The following SARS2 variants were observed in gnomAD, a reference collection of about 807,000 sequenced individuals.
SARS2 encodes the protein seryl-tRNA synthetase 2, mitochondrial, also known as serine--tRNA ligase, mitochondrial.
A neutral mutation model predicts 66.8 loss-of-function variants in SARS2; 52 were observed. The ratio of observed to expected loss-of-function variants is 0.78; its 90% confidence interval spans 0.62 to 0.98. The LOEUF is 0.98. SARS2 is among the 50% of genes least tolerant of loss of function. The pLI, the probability that SARS2 is intolerant of heterozygous loss-of-function variation, is 0.00. For synonymous variants in SARS2, 306 were observed against 281.4 expected (o/e 1.09, Z -0.87); for missense variants, 673 against 706.3 (o/e 0.95, Z 0.53).
chr19:38,919,897 A>G lies in SARS2; in HGVS notation c.654-30T>C, dbSNP rs912460965. ...GAGACAGACAGACAGGCGGGTGCAC[A>G]TGGGCCAGGCTGGCAGGGAATGTGG... On this transcript the variant is annotated intron_variant, in intron 6 of 15. Transcript: ENST00000221431. 8 of 1,590,840 alleles carry G rather than the reference A, an allele frequency of 5.0e-6. No individual in the cohort carries two copies. The South Asian group carries it at 5.5e-5, about 11-fold the overall frequency.
In SARS2 at chr19:38,918,392, C is replaced by T. The variant is rs746788057; in HGVS notation, c.916+30G>A. The T allele has an allele frequency of 1.9e-6, 3 of 1,583,520 alleles. No individual in the cohort carries two copies. In the Admixed American group the frequency reaches 5.0e-5, roughly 26 times the overall value. On this transcript the variant is annotated intron_variant, in intron 9 of 15. Transcript: ENST00000221431. Reference sequence around the variant, plus strand: ...CAGTTGTCCTTCCACATCACTCCTGCTCCTCCCCACCACCCACACAGGTCC... The same window carrying T: ...CAGTTGTCCTTCCACATCACTCCTGTTCCTCCCCACCACCCACACAGGTCC...
intron 3 of SARS2, chr19:38,921,883 T>C: frequency 7.2e-7 from 1 of 1,382,602 alleles, no homozygotes; most frequent in Non-Finnish European, 1.0e-6. Context: ...TTCTATTGCC[T>C]TGGCCACAAT....
At position 38,918,538 on chromosome 19, in the gene SARS2, A is replaced by C. The variant is rs775761242; in HGVS notation, c.808-8T>G. The C allele has an allele frequency of 1.2e-6, 2 of 1,603,126 alleles. No homozygotes were observed. Among genetic ancestry groups the C allele is most frequent in the Non-Finnish European group, 1.7e-6 (2 of 1,170,024 alleles). ...TGTCATCCCACAGCCTTCCTGGGGGAGGAGGCCAGGCCACAGGGATCAGGG... is the reference window on the plus strand; with the variant it reads ...TGTCATCCCACAGCCTTCCTGGGGGCGGAGGCCAGGCCACAGGGATCAGGG... On this transcript the variant is annotated splice_region_variant and splice_polypyrimidine_tract_variant and intron_variant, in intron 8 of 15. Coordinates refer to ENST00000221431, the MANE Select transcript of SARS2 (RefSeq NM_017827.4).
chr19:38,920,582 T>C (rs1014795442), intron 5 of SARS2, among the ~76,000 whole-genome samples: 16 of 148,942 alleles, frequency 1.1e-4, no homozygotes, highest in African/African-American at 3.7e-4. Context: ...CACACATACA[T>C]ACACACACAG....
chr19:38,916,162 A>G (rs1393274773), intron 13 of SARS2, 33 bp from the exon 14 acceptor site: 2 of 1,613,448 alleles, frequency 1.2e-6, no homozygotes, highest in Admixed American at 1.7e-5. Flanking sequence ...TGAGCGGATC[A>G]GGGATGGGGG....
At chr19:38,926,458 C>T (rs1974630091) in intron 1 of SARS2, among the ~76,000 whole-genome samples, 158 bp from the exon 2 acceptor site, 1 of 152,194 alleles carries the variant, frequency 6.6e-6, no homozygotes, top group African/African-American at 2.4e-5. Context: ...ACTGGAATGC[C>T]CTGAGGTTCA....
rs559993928 is a variant in SARS2 at position 38,919,936 on chromosome 19, C to T, written c.654-69G>A. Reference sequence around the variant, plus strand: ...CAGGGAATGTGGGGATGAAAACACCCGGGGGAAGAGGCCCGGCTGCTGGGT... The same window carrying T: ...CAGGGAATGTGGGGATGAAAACACCTGGGGGAAGAGGCCCGGCTGCTGGGT... On this transcript the variant is annotated intron_variant, in intron 6 of 15. Coordinates refer to ENST00000221431, the MANE Select transcript of SARS2 (RefSeq NM_017827.4). 109 of 1,469,432 alleles carry T rather than the reference C, an allele frequency of 7.4e-5. 1 individual carries two copies. In the African/African-American group the frequency reaches 9.5e-4, roughly 13 times the overall value. The allele number at this position is 1,469,432 out of a possible 1,614,324, so 91.0% of individuals were successfully genotyped here. A position where few individuals can be genotyped will look rare whatever the true frequency, so the allele number is the denominator to read the frequency against.
At chr19:38,916,001 C>T (rs897804837) in intron 14 of SARS2, 36 bp downstream of exon 14, 10 of 1,612,170 alleles carry the variant, frequency 6.2e-6, no homozygotes, top group Middle Eastern at 1.7e-4. Flanking sequence ...AGGCTGCGGG[C>T]GAGGGCACGC....
At chr19:38,921,904 G>T in intron 3 of SARS2, 1 of 1,454,598 alleles carries the variant, frequency 6.9e-7, no homozygotes, top group South Asian at 1.2e-5. Context: ...GACTGGCTCA[G>T]AGACAGGCAC....
chr19:38,930,488 C>G lies in SARS2; in HGVS notation c.249G>C (p.Ser83=), dbSNP rs775798501. 8.7e-6 allele frequency: 14 copies of G among 1,600,686 alleles called. No homozygotes were observed. The highest frequency in any genetic ancestry group is 1.2e-5 in the Non-Finnish European group (14 of 1,171,644). The change falls in exon 1 of 16, where the codon TCG becomes TCC. Residue 83 remains serine, a synonymous_variant. Coordinates refer to ENST00000221431, the MANE Select transcript of SARS2 (RefSeq NM_017827.4). ...CACTCACGATCGCGGGCAGGTCCGC[C>G]GAGCGCAGCTCCCCCTTGCGGAGCT... ...ALELRKGELR[S]ADLPAIISTW... is the part of the protein sequence containing the mutation.
At chr19:38,923,040 A>G (rs1435291463) in intron 2 of SARS2, among the ~76,000 whole-genome samples, 1 of 147,090 alleles carries the variant, frequency 6.8e-6, no homozygotes, top group Non-Finnish European at 1.5e-5. Flanking sequence ...AGTAGCTGGG[A>G]CTACAGGTGC....
intron 2 of SARS2, 90 bp from the exon 3 acceptor site, chr19:38,922,357 G>T: frequency 7.9e-7 from 1 of 1,260,616 alleles, no homozygotes; most frequent in Non-Finnish European, 1.2e-6. Context: ...CAAGGCCAGA[G>T]GATCTTAGTC....
chr19:38,925,159 C>CA, intron 2 of SARS2, among the ~76,000 whole-genome samples: 1 of 152,090 alleles, frequency 6.6e-6, no homozygotes, highest in Admixed American at 6.6e-5. Context: ...ACTAAAAATA[C>CA]AAAATTAGCC....
intron 2 of SARS2, among the ~76,000 whole-genome samples, chr19:38,923,368 C>T (rs1600169596): frequency 6.7e-6 from 1 of 149,020 alleles, no homozygotes; most frequent in Non-Finnish European, 1.5e-5. Flanking sequence ...ACTACAGGCG[C>T]CCGCCACTAC....
At position 38,917,846 on chromosome 19, in the gene SARS2, G is replaced by A. The variant is rs1332355650; in HGVS notation, c.1051-13C>T. ...CAAACATCTCCACCTGGGACAGAGG[G>A]CACAGGAGTCAGGAGGCTCTGAGCT... On this transcript the variant is annotated splice_polypyrimidine_tract_variant and intron_variant, in intron 11 of 15. Coordinates refer to ENST00000221431, the MANE Select transcript of SARS2 (RefSeq NM_017827.4). 4 of 1,611,514 alleles carry A rather than the reference G, an allele frequency of 2.5e-6. No individual in the cohort carries two copies. Among genetic ancestry groups the A allele is most frequent in the African/African-American group, 2.7e-5 (2 of 75,010 alleles).
intron 2 of SARS2, among the ~76,000 whole-genome samples, chr19:38,924,180 G>A (rs1314735340): frequency 6.6e-6 from 1 of 151,898 alleles, no homozygotes; most frequent in Non-Finnish European, 1.5e-5. Context: ...CTGTAGATTC[G>A]AAAATGGAAG....
intron 3 of SARS2, 174 bp from the exon 4 acceptor site, chr19:38,921,841 G>A: frequency 7.5e-7 from 1 of 1,325,690 alleles, no homozygotes; most frequent in Non-Finnish European, 1.0e-6. Flanking sequence ...CAGGTTTGTG[G>A]GGAAAAGAAT....
At position 38,930,707 on chromosome 19, in the gene SARS2, C is replaced by T. The variant is rs145754412; in HGVS notation, c.30G>A (p.Trp10Ter). 8 of 1,613,678 alleles carry T rather than the reference C, an allele frequency of 5.0e-6. No homozygotes were observed. The highest frequency in any genetic ancestry group is 6.8e-6 in the Non-Finnish European group (8 of 1,180,046). The change falls in exon 1 of 16, where the codon TGG (tryptophan) becomes TGA (stop). Residue 10 changes from tryptophan to a stop codon, truncating the protein, a stop_gained. Transcript: ENST00000221431. LOFTEE classifies it high-confidence loss of function. MAASMARRL[W>*]PLLTRRGFRP... ...GGAACCCCCGACGAGTCAGCAAAGG[C>T]CACAAGCGCCGCGCCATGGACGCAG... is the stretch of plus-strand genomic sequence containing the variant.
intron 2 of SARS2, among the ~76,000 whole-genome samples, chr19:38,924,520 C>T (rs1974596377): frequency 6.6e-6 from 1 of 152,188 alleles, no homozygotes; most frequent in African/African-American, 2.4e-5. Context: ...AGGCTGGCCA[C>T]TCAGTAGGTG....
Sources: allele counts gnomAD v4.1 joint callset (sites outside exome capture counted in the v4.1 genomes callset), GRCh38; gene constraint gnomAD v4.1.1; transcripts MANE v1.5; gene names NCBI Gene and HGNC (gene_info 2026-07-23, HGNC 2026-07-21).